GLIS3: variants seen among roughly 807,000 people sequenced by gnomAD.
GLIS3 encodes the protein GLIS family zinc finger 3, also known as zinc finger protein GLIS3.
A neutral mutation model predicts 78.6 loss-of-function variants in GLIS3; 53 were observed. The observed-to-expected ratio is 0.67, with a 90% CI of 0.54 to 0.85. The LOEUF is 0.85. Ranked by LOEUF, GLIS3 falls within the 40% of genes least tolerant of loss-of-function variation. The pLI, the probability that GLIS3 is intolerant of heterozygous loss-of-function variation, is 0.00. For synonymous variants in GLIS3, 684 were observed against 509.9 expected (o/e 1.34, Z -4.60); for missense variants, 1,703 against 1,231.1 (o/e 1.38, Z -5.74).
At chr9:4,335,208 C>A (rs1310628689) in intron 2 of GLIS3, among the ~76,000 whole-genome samples, 1 of 152,020 alleles carries the variant, frequency 6.6e-6, no homozygotes, top group Non-Finnish European at 1.5e-5. Flanking sequence ...GTACCTGGCC[C>A]CATTTCCACT....
intron 2 of GLIS3, among the ~76,000 whole-genome samples, chr9:4,144,142 T>C (rs1217026378): frequency 6.6e-6 from 1 of 152,154 alleles, no homozygotes; most frequent in East Asian, 1.9e-4. Context: ...CGAGAAACCT[T>C]GCTCCATAAA....
At chr9:4,369,477 T>C in the GLIS3 span, among the ~76,000 whole-genome samples, 72 of 152,330 alleles carry the variant, frequency 4.7e-4, no homozygotes, top group African/African-American at 1.7e-3. Flanking sequence ...TTCTAGGACT[T>C]CTACCTGTAA....
intron 4 of GLIS3, among the ~76,000 whole-genome samples, chr9:4,080,558 T>C (rs922254552): frequency 1.3e-5 from 2 of 152,202 alleles, no homozygotes; most frequent in African/African-American, 4.8e-5. Context: ...CTACCCCATT[T>C]AAAATTTTGA....
chr9:4,125,060 C>G (rs964579534), intron 3 of GLIS3, among the ~76,000 whole-genome samples: 2 of 152,184 alleles, frequency 1.3e-5, no homozygotes, highest in Non-Finnish European at 2.9e-5. Context: ...ATTCAATTCC[C>G]TCCCTTGGAG....
chr9:4,054,893 T>C (rs1826020404), intron 4 of GLIS3, among the ~76,000 whole-genome samples: 1 of 152,132 alleles, frequency 6.6e-6, no homozygotes, highest in South Asian at 2.1e-4. Context: ...ATTCCATTTG[T>C]TAAAAGGAAG....
chr9:3,946,135 G>A (rs966792141), intron 4 of GLIS3, among the ~76,000 whole-genome samples: 1 of 152,164 alleles, frequency 6.6e-6, no homozygotes, highest in African/African-American at 2.4e-5. Flanking sequence ...ACAGATCAGT[G>A]CCCACACATG....
At chr9:3,962,732 G>C (rs1483838928) in intron 4 of GLIS3, among the ~76,000 whole-genome samples, 1 of 152,114 alleles carries the variant, frequency 6.6e-6, no homozygotes, top group Non-Finnish European at 1.5e-5. Context: ...AGAATTTCAT[G>C]GGAGTCACAG....
At chr9:4,117,708 A>G (rs1831773788) in intron 4 of GLIS3, 60 bp downstream of exon 4, 2 of 1,601,830 alleles carry the variant, frequency 1.2e-6, no homozygotes, top group Non-Finnish European at 1.7e-6. Flanking sequence ...GAAAAAACAC[A>G]CGTACGCAAA....
rs192771430 is a variant in GLIS3 at position 3,931,160 on chromosome 9, T to C, written c.1983+1200A>G. Among the ~76,000 whole-genome samples the C allele has an allele frequency of 3.3e-5, 5 of 152,242 alleles. No homozygotes were observed. In the East Asian group the frequency reaches 9.6e-4, roughly 29 times the overall value. On this transcript the variant is annotated intron_variant, in intron 6 of 10. Transcript: ENST00000381971. ...AACAATTAACTTACAAGAGTGGGTT[T>C]GTATGCAATTAAGACTATCTATCAA...
At chr9:3,985,966 T>C (rs566878049) in intron 4 of GLIS3, among the ~76,000 whole-genome samples, 1 of 152,138 alleles carries the variant, frequency 6.6e-6, no homozygotes, top group Non-Finnish European at 1.5e-5. Context: ...AATTCATTTG[T>C]GGAGAAAAAG....
intron 9 of GLIS3, among the ~76,000 whole-genome samples, chr9:3,843,472 G>A (rs1818844831): frequency 6.6e-6 from 1 of 152,154 alleles, no homozygotes; most frequent in Admixed American, 6.5e-5. Context: ...GAAAGTGGAT[G>A]TTGTATTTGG....
intron 9 of GLIS3, among the ~76,000 whole-genome samples, chr9:3,843,329 C>T (rs187049059): frequency 4.7e-4 from 71 of 152,258 alleles, no homozygotes; most frequent in African/African-American, 1.6e-3. Context: ...CCCTCCGAAC[C>T]TCTGCTTCAT....
intron 2 of GLIS3, among the ~76,000 whole-genome samples, chr9:4,334,785 G>T (rs374771943): frequency 6.6e-6 from 1 of 152,066 alleles, no homozygotes; most frequent in Non-Finnish European, 1.5e-5. Context: ...CCTGGGGCTT[G>T]TCCAAGGCCA....
upstream of GLIS3, among the ~76,000 whole-genome samples, chr9:4,304,552 A>G (rs991901417): frequency 2.6e-5 from 4 of 152,206 alleles, no homozygotes; most frequent in African/African-American, 9.7e-5. Flanking sequence ...AAATAAAAAT[A>G]TATACTAAAT....
At chr9:4,318,304 A>G (rs1422886322) in intron 2 of GLIS3, among the ~76,000 whole-genome samples, 1 of 152,308 alleles carries the variant, frequency 6.6e-6, no homozygotes, top group Non-Finnish European at 1.5e-5. Flanking sequence ...CTGTTCACTG[A>G]AAGCACCTAG....
In GLIS3 at chr9:4,108,867, G is replaced by A. The variant is rs527291810; in HGVS notation, c.1710+8901C>T. 3.3e-5 allele frequency among the ~76,000 whole-genome samples: 5 copies of A among 152,248 alleles called. No individual in the cohort carries two copies. In the East Asian group the frequency reaches 9.7e-4, roughly 29 times the overall value. On this transcript the variant is annotated intron_variant, in intron 4 of 10. Transcript: ENST00000381971. ...AGTCCACTGACCTGGGCCTTCAGCT[G>A]TGCTCTCCGGTCAACAGACAAATGA...
chr9:4,209,200 T>G (rs1438137389), intron 2 of GLIS3, among the ~76,000 whole-genome samples: 3 of 152,118 alleles, frequency 2.0e-5, no homozygotes, highest in African/African-American at 7.2e-5. Flanking sequence ...TAAATGAAGA[T>G]GCTCACTCAA....
the GLIS3 span, among the ~76,000 whole-genome samples, chr9:4,400,177 G>A: frequency 9.2e-5 from 14 of 152,226 alleles, no homozygotes; most frequent in South Asian, 2.1e-4. Flanking sequence ...ATCGCTTCTC[G>A]GCCTTTTGGC....
At chr9:4,032,414 C>G (rs905772282) in intron 4 of GLIS3, among the ~76,000 whole-genome samples, 2 of 152,044 alleles carry the variant, frequency 1.3e-5, no homozygotes, top group African/African-American at 4.8e-5. Flanking sequence ...AGCATATCAT[C>G]TCACTTTCTT....
Sources: gnomAD v4.1 joint callset for allele counts (sites outside exome capture counted in the v4.1 genomes callset) on GRCh38, gnomAD v4.1.1 for gene constraint, MANE v1.5 for transcripts, NCBI Gene and HGNC (gene_info 2026-07-23, HGNC 2026-07-21) for gene names.